Variants in VWF observed in about 807,000 individuals in gnomAD.
VWF encodes Factor VIII related antigen.
In VWF, 176 loss-of-function variants were observed where a neutral mutation model predicts 308.6. That is an observed-to-expected ratio of 0.57 (90% CI 0.50 to 0.65). The LOEUF is 0.65. Among genes scored for constraint, VWF ranks in the 30% least tolerant of loss-of-function variants. The pLI, the probability that VWF is intolerant of heterozygous loss-of-function variation, is 0.00. For missense variants in VWF, 3,146 were observed against 3,648.2 expected (o/e 0.86, Z 3.55); for synonymous variants, 1,385 against 1,443.4 (o/e 0.96, Z 0.92).
At chr12:5,959,088 T>A (rs1039099530) in intron 47 of VWF, among the ~76,000 whole-genome samples, 3 of 152,064 alleles carry the variant, frequency 2.0e-5, no homozygotes, top group Admixed American at 6.6e-5. Context: ...ACACCTCTAG[T>A]CTCAGCTAGG....
At chr12:6,027,269 A>G (rs11063998) in intron 22 of VWF, among the ~76,000 whole-genome samples, 42,893 of 152,002 alleles carry the variant, frequency 0.28, 6,817 homozygotes, top group African/African-American at 0.42. Flanking sequence ...TACCACCTTA[A>G]GGCCTCGGCA....
At chr12:5,974,859 C>A (rs1256553052) in intron 43 of VWF, among the ~76,000 whole-genome samples, 1 of 152,188 alleles carries the variant, frequency 6.6e-6, no homozygotes, top group Non-Finnish European at 1.5e-5. Flanking sequence ...CCTCCTGTAT[C>A]TTTTCTACAA....
At chr12:6,004,863 C>T (rs1261803166) in intron 34 of VWF, among the ~76,000 whole-genome samples, 1 of 152,002 alleles carries the variant, frequency 6.6e-6, no homozygotes, top group African/African-American at 2.4e-5. Context: ...ATAAACTTAG[C>T]AAGAAATATG....
At chr12:6,084,785 G>A (rs1020558811) in intron 6 of VWF, among the ~76,000 whole-genome samples, 1 of 152,088 alleles carries the variant, frequency 6.6e-6, no homozygotes, top group Non-Finnish European at 1.5e-5. Context: ...GTATGGAGGC[G>A]CCTGGAGTCT....
intron 3 of VWF, among the ~76,000 whole-genome samples, chr12:6,116,452 C>T (rs2136529653): frequency 6.6e-6 from 1 of 152,322 alleles, no homozygotes; most frequent in South Asian, 2.1e-4. Context: ...CCTTCTATGC[C>T]CGTGATTCTG....
At chr12:6,053,278 G>A (rs915831315) in intron 15 of VWF, among the ~76,000 whole-genome samples, 2 of 152,136 alleles carry the variant, frequency 1.3e-5, no homozygotes, top group Non-Finnish European at 2.9e-5. Context: ...TTGCTCTTAC[G>A]TGGGCTCTAT....
intron 49 of VWF, 29 bp from the exon 50 acceptor site, chr12:5,951,912 G>A (rs755398172): frequency 1.2e-6 from 2 of 1,613,646 alleles, no homozygotes; most frequent in Non-Finnish European, 1.7e-6. Flanking sequence ...TTCAGGTTAG[G>A]CACAAACAGT....
At chr12:6,105,366 T>C (rs1450701544) in intron 5 of VWF, among the ~76,000 whole-genome samples, 16 of 152,026 alleles carry the variant, frequency 1.1e-4, no homozygotes, top group Non-Finnish European at 1.5e-5. Flanking sequence ...GTAGCTAGGA[T>C]TACAGGCATG....
chr12:5,964,250 GCATACATACATA>G (rs202210763), intron 47 of VWF, among the ~76,000 whole-genome samples: 4 of 122,350 alleles, frequency 3.3e-5, no homozygotes, highest in African/African-American at 1.1e-4. Context: ...ATACATACAT[GCATACATACATA>G]CATACATACA....
chr12:6,064,431 C>A, intron 11 of VWF, 47 bp from the exon 12 acceptor site: 1 of 1,610,418 alleles, frequency 6.2e-7, no homozygotes, highest in Non-Finnish European at 8.5e-7. Context: ...CCCTGCCTAT[C>A]CAGCTCCCCA....
intron 6 of VWF, among the ~76,000 whole-genome samples, chr12:6,079,655 C>A (rs941396620): frequency 3.9e-4 from 59 of 151,824 alleles, no homozygotes; most frequent in African/African-American, 1.3e-3. Context: ...GCGTCTTGTA[C>A]TCTCAGGCTC....
At chr12:6,098,594 T>C (rs551525156) in intron 5 of VWF, among the ~76,000 whole-genome samples, 81 of 151,768 alleles carry the variant, frequency 5.3e-4, no homozygotes, top group African/African-American at 1.1e-3. Flanking sequence ...CTGGCTAACA[T>C]GGTGAAACCC....
chr12:6,051,361 A>T (rs1045994073), intron 16 of VWF, among the ~76,000 whole-genome samples: 22 of 143,748 alleles, frequency 1.5e-4, no homozygotes, highest in Admixed American at 4.3e-4. Flanking sequence ...GCAAGATCTC[A>T]GCTCACTGCA....
chr12:6,094,986 G>A (rs544120124), intron 6 of VWF, among the ~76,000 whole-genome samples: 2 of 145,408 alleles, frequency 1.4e-5, no homozygotes, highest in East Asian at 2.1e-4. Context: ...TCAGTCTCCC[G>A]AGTAGCTGGG....
At position 6,065,566 on chromosome 12, in the gene VWF, C is replaced by T. The variant is rs575076214; in HGVS notation, c.1157-293G>A. On this transcript the variant is annotated intron_variant, in intron 10 of 51. Coordinates refer to ENST00000261405, the MANE Select transcript of VWF (RefSeq NM_000552.5). ...GTGGAACCACGCAGGAACCCACGCT[C>T]CTGCTTCCAGGCTCCCTGCAGCCTC... is the stretch of plus-strand genomic sequence containing the variant. 5.3e-5 allele frequency among the ~76,000 whole-genome samples: 8 copies of T among 152,366 alleles called. No homozygotes were observed. In the East Asian group the frequency reaches 1.5e-3, roughly 29 times the overall value.
At chr12:5,964,880 G>C (rs1053081018) in intron 47 of VWF, among the ~76,000 whole-genome samples, 3 of 152,044 alleles carry the variant, frequency 2.0e-5, no homozygotes, top group Admixed American at 2.0e-4. Flanking sequence ...TAAGCCGAAG[G>C]GGGCAACAGT....
At chr12:6,069,530 C>G (rs975517476) in intron 10 of VWF, among the ~76,000 whole-genome samples, 1 of 152,156 alleles carries the variant, frequency 6.6e-6, no homozygotes, top group Non-Finnish European at 1.5e-5. Flanking sequence ...TATCTGCAGT[C>G]ATCACACTGG....
intron 42 of VWF, among the ~76,000 whole-genome samples, chr12:5,980,211 GTA>G (rs1943589167): frequency 1.9e-5 from 1 of 52,676 alleles, no homozygotes; most frequent in Non-Finnish European, 4.3e-5. Context: ...ACGTAGGTAG[GTA>G]GGGAGGGAGG....
rs370689186 is a variant in VWF at position 6,065,119 on chromosome 12, C to T, written c.1293+18G>A. ...CTTGGGCTACCACCCGACCAGCAGC[C>T]GGGCTGGCAAAGCTCACCTGGACAG... On this transcript the variant is annotated intron_variant, in intron 11 of 51. Coordinates refer to ENST00000261405, the MANE Select transcript of VWF (RefSeq NM_000552.5). 49 of 1,613,938 alleles carry T rather than the reference C, an allele frequency of 3.0e-5. No individual in the cohort carries two copies. The highest frequency in any genetic ancestry group is 9.3e-5 in the African/African-American group (7 of 74,932).
Sources: allele counts gnomAD v4.1 joint callset (sites outside exome capture counted in the v4.1 genomes callset), GRCh38; gene constraint gnomAD v4.1.1; transcripts MANE v1.5; gene names NCBI Gene and HGNC (gene_info 2026-07-23, HGNC 2026-07-21).